DLG2: variants seen among roughly 807,000 people sequenced by gnomAD.
DLG2 encodes discs large MAGUK scaffold protein 2.
Under a neutral mutation model 132.5 loss-of-function variants are expected in DLG2, and 45 were observed. The ratio of observed to expected loss-of-function variants is 0.34; its 90% CI spans 0.27 to 0.44. The LOEUF (loss-of-function observed/expected upper bound fraction) is 0.44, where lower values mean the gene tolerates loss of function less well. Ranked by LOEUF, DLG2 falls within the 20% of genes least tolerant of loss-of-function variation. The pLI is 1.00. For synonymous variants in DLG2, 424 were observed against 419.6 expected (o/e 1.01, Z -0.13); for missense variants, 1,045 against 1,196.9 (o/e 0.87, Z 1.87).
At chr11:84,258,234 C>T (rs2097505253) in intron 7 of DLG2, among the ~76,000 whole-genome samples, 1 of 152,040 alleles carries the variant, frequency 6.6e-6, no homozygotes, top group African/African-American at 2.4e-5. Flanking sequence ...GGGTAATTGA[C>T]TGATTAAAGA....
At chr11:84,431,165 T>C (rs1005562115) in intron 7 of DLG2, among the ~76,000 whole-genome samples, 3 of 152,208 alleles carry the variant, frequency 2.0e-5, no homozygotes, top group Admixed American at 6.5e-5. Flanking sequence ...ATCATAAACC[T>C]ACATGATTTT....
chr11:84,317,022 G>C lies in DLG2; in HGVS notation c.520-65731C>G. On this transcript the variant is annotated intron_variant, in intron 7 of 27. Transcript: ENST00000376104. ...GTCTGAGAACTGTACCCGAGCCCCT[G>C]ACAGTTCCTCTGCCAGCCACAAGCA... 6.2e-7 allele frequency: 1 copy of C among 1,612,842 alleles called. No homozygotes were observed. The highest frequency in any genetic ancestry group is 1.1e-5 in the South Asian group (1 of 91,070).
chr11:84,898,447 C>T (rs961240020), intron 6 of DLG2, among the ~76,000 whole-genome samples: 1 of 151,962 alleles, frequency 6.6e-6, no homozygotes, highest in Non-Finnish European at 1.5e-5. Flanking sequence ...CTCAAAGCCT[C>T]CTGCATTATC....
At chr11:84,787,859 G>A (rs1249941918) in intron 6 of DLG2, among the ~76,000 whole-genome samples, 2 of 151,834 alleles carry the variant, frequency 1.3e-5, no homozygotes, top group East Asian at 1.9e-4. Flanking sequence ...AGCACTTTGG[G>A]AGGCCGAGAC....
intron 18 of DLG2, among the ~76,000 whole-genome samples, chr11:83,741,393 A>T (rs1424597102): frequency 2.0e-5 from 3 of 152,196 alleles, no homozygotes; most frequent in Non-Finnish European, 4.4e-5. Flanking sequence ...ATGATTCTAT[A>T]CCAAGAAAAT....
At chr11:85,190,158 A>T (rs1202146714) in intron 4 of DLG2, among the ~76,000 whole-genome samples, 1 of 146,290 alleles carries the variant, frequency 6.8e-6, no homozygotes, top group Non-Finnish European at 1.5e-5. Context: ...AAAATTTCAC[A>T]AAAAGAATTG....
intron 6 of DLG2, among the ~76,000 whole-genome samples, chr11:85,000,224 T>C (rs574844233): frequency 3.9e-5 from 6 of 152,062 alleles, no homozygotes; most frequent in African/African-American, 7.2e-5. Flanking sequence ...TTGTACAGTA[T>C]TTTTTTCCAA....
intron 7 of DLG2, among the ~76,000 whole-genome samples, chr11:84,385,465 A>T (rs2098766054): frequency 6.6e-6 from 1 of 152,158 alleles, no homozygotes; most frequent in Non-Finnish European, 1.5e-5. Context: ...TCTCTTTGAT[A>T]GTATTTGAAT....
At chr11:84,868,174 ATTAT>A (rs1416126344) in intron 6 of DLG2, among the ~76,000 whole-genome samples, 1 of 148,274 alleles carries the variant, frequency 6.7e-6, no homozygotes, top group Non-Finnish European at 1.5e-5. Flanking sequence ...TATTATTATT[ATTAT>A]TGTTATGGAA....
At chr11:84,920,404 A>T (rs911425002) in intron 6 of DLG2, among the ~76,000 whole-genome samples, 3 of 152,164 alleles carry the variant, frequency 2.0e-5, no homozygotes, top group Non-Finnish European at 4.4e-5. Flanking sequence ...CTCACAGCAA[A>T]ACCTTTCTTG....
chr11:83,764,352 T>C (rs1043240802), intron 18 of DLG2, among the ~76,000 whole-genome samples: 1 of 152,180 alleles, frequency 6.6e-6, no homozygotes, highest in Non-Finnish European at 1.5e-5. Context: ...ATTCAATATA[T>C]GGTTGTTTAA....
intron 6 of DLG2, among the ~76,000 whole-genome samples, chr11:84,564,345 C>A (rs1238421229): frequency 6.6e-6 from 1 of 152,138 alleles, no homozygotes; most frequent in South Asian, 2.1e-4. Context: ...AGATTTGGAT[C>A]AGAGTCAACC....
chr11:84,222,302 G>A (rs2096927211), intron 8 of DLG2, among the ~76,000 whole-genome samples: 1 of 152,082 alleles, frequency 6.6e-6, no homozygotes, highest in African/African-American at 2.4e-5. Flanking sequence ...AAAGTGCTGG[G>A]ATTACAGGTG....
At chr11:84,490,055 T>C (rs1329587383) in intron 7 of DLG2, among the ~76,000 whole-genome samples, 1 of 152,146 alleles carries the variant, frequency 6.6e-6, no homozygotes, top group Non-Finnish European at 1.5e-5. Context: ...AGGTAATCAT[T>C]AACAAATATC....
chr11:83,551,421 C>A (rs1051416305), intron 19 of DLG2, among the ~76,000 whole-genome samples: 1 of 152,114 alleles, frequency 6.6e-6, no homozygotes, highest in Non-Finnish European at 1.5e-5. Context: ...ACTCGTTTTA[C>A]TCATGAGTAT....
At chr11:84,726,653 G>A (rs1028002477) in intron 6 of DLG2, among the ~76,000 whole-genome samples, 8 of 152,026 alleles carry the variant, frequency 5.3e-5, no homozygotes, top group East Asian at 1.9e-4. Context: ...TGGGTCAAAC[G>A]GTATTTCTGG....
intron 21 of DLG2, among the ~76,000 whole-genome samples, chr11:83,527,644 C>T (rs753542471): frequency 1.2e-4 from 18 of 151,954 alleles, no homozygotes; most frequent in Non-Finnish European, 2.1e-4. Context: ...TCTGTTCTGT[C>T]CCAGCCCAAG....
intron 7 of DLG2, among the ~76,000 whole-genome samples, chr11:84,495,652 A>T (rs182680005): frequency 6.6e-6 from 1 of 152,144 alleles, no homozygotes; most frequent in South Asian, 2.1e-4. Context: ...CTCAAACTGT[A>T]TATCATTCTC....
At chr11:84,823,792 T>C (rs2078001544) in intron 6 of DLG2, among the ~76,000 whole-genome samples, 1 of 151,936 alleles carries the variant, frequency 6.6e-6, no homozygotes, top group African/African-American at 2.4e-5. Flanking sequence ...ATTTGAATAG[T>C]GTCTAGCTCA....
Sources: allele counts gnomAD v4.1 joint callset (sites outside exome capture counted in the v4.1 genomes callset), GRCh38; gene constraint gnomAD v4.1.1; transcripts MANE v1.5; gene names NCBI Gene and HGNC (gene_info 2026-07-23, HGNC 2026-07-21).